Variants in TTC39B observed in about 807,000 individuals in gnomAD.
TTC39B encodes tetratricopeptide repeat domain 39B, also known as tetratricopeptide repeat protein 39B.
In TTC39B, 92 loss-of-function variants were observed where a neutral mutation model predicts 96.6. The ratio of observed to expected loss-of-function variants is 0.95; its 90% confidence interval spans 0.80 to 1.13. The LOEUF is 1.13. TTC39B is among the 50% of genes most tolerant of loss of function. The pLI is 0.00. For synonymous variants in TTC39B, 367 were observed against 299.4 expected, an observed-to-expected ratio of 1.23 and a Z score of -2.33; for missense variants, 955 against 809.3, an observed-to-expected ratio of 1.18 and a Z score of -2.18.
At chr9:15,241,875 T>C (rs1822057721) in intron 2 of TTC39B, among the ~76,000 whole-genome samples, 1 of 151,798 alleles carries the variant, frequency 6.6e-6, no homozygotes, top group Non-Finnish European at 1.5e-5. Context: ...CCTGAATAGC[T>C]GGGACTACAG....
chr9:15,282,788 A>C (rs1184385808), intron 1 of TTC39B, among the ~76,000 whole-genome samples: 3 of 152,172 alleles, frequency 2.0e-5, no homozygotes, highest in Non-Finnish European at 4.4e-5. Context: ...CAAGGTCACA[A>C]AGCATGTATA....
At chr9:15,195,873 G>A (rs867237974) in intron 8 of TTC39B, among the ~76,000 whole-genome samples, 7 of 152,062 alleles carry the variant, frequency 4.6e-5, no homozygotes, top group South Asian at 4.2e-4. Context: ...AGAAGTCAAC[G>A]CCTGGCTTCA....
In TTC39B at chr9:15,283,699, T is replaced by C. The variant is rs1823854015; in HGVS notation, c.241-15751A>G. Among the ~76,000 whole-genome samples the C allele has an allele frequency of 2.0e-5, 3 of 152,162 alleles. No homozygotes were observed. The South Asian group carries it at 6.2e-4, about 32-fold the overall frequency. On this transcript the variant is annotated intron_variant, in intron 1 of 19. Transcript: ENST00000512701. ...AACATATATACAGATCAATAGAACA[T>C]AATAAAGAATACAGACAGGGATTCC...
intron 2 of TTC39B, among the ~76,000 whole-genome samples, chr9:15,228,181 G>A (rs1399658807): frequency 6.6e-6 from 1 of 151,978 alleles, no homozygotes; most frequent in Non-Finnish European, 1.5e-5. Context: ...AAAATAATTG[G>A]GACTGGGCAC....
At chr9:15,267,940 G>C in exon 2 of TTC39B, 2 of 1,610,154 alleles carry the variant, frequency 1.2e-6, no homozygotes, top group Non-Finnish European at 1.7e-6. Context: ...AGGCATCTTC[G>C]AAAACGTCCT....
chr9:15,274,007 T>C (rs965463961), intron 1 of TTC39B, among the ~76,000 whole-genome samples: 1 of 152,278 alleles, frequency 6.6e-6, no homozygotes, highest in East Asian at 1.9e-4. Flanking sequence ...ATCAGAAGCA[T>C]TATCATAGTG....
At chr9:15,201,269 A>C (rs1420001526) in intron 7 of TTC39B, among the ~76,000 whole-genome samples, 11 of 152,126 alleles carry the variant, frequency 7.2e-5, no homozygotes, top group Non-Finnish European at 1.5e-4. Flanking sequence ...TCAAAAAAAA[A>C]AAAACAAACA....
intron 8 of TTC39B, among the ~76,000 whole-genome samples, chr9:15,196,681 C>A (rs570686285): frequency 6.6e-5 from 10 of 152,204 alleles, no homozygotes; most frequent in African/African-American, 2.4e-4. Context: ...GGTAAAGATG[C>A]CACAAACATT....
rs547530222 is a variant in TTC39B, at chr9:15,306,078, T to C, written c.240+1006A>G. 3.9e-5 allele frequency among the ~76,000 whole-genome samples: 6 copies of C among 152,314 alleles called. No homozygotes were observed. The highest frequency in any genetic ancestry group is 8.8e-5 in the Non-Finnish European group (6 of 68,012). ...CAGGAGATTCCTGGCACTAAAGAGA[T>C]GGACGGGAAACTTAACCGCCTCCTC... On this transcript the variant is annotated intron_variant, in intron 1 of 19. Coordinates refer to ENST00000512701, the Ensembl canonical transcript of TTC39B. The surrounding 1 kb of genome is among the most constrained non-coding windows in gnomAD (Gnocchi z 5.1).
chr9:15,192,428 A>G (rs942920413), intron 9 of TTC39B, among the ~76,000 whole-genome samples, 162 bp downstream of exon 9: 2 of 152,230 alleles, frequency 1.3e-5, no homozygotes, highest in East Asian at 1.9e-4. Flanking sequence ...GTGGAACTTT[A>G]TAACACACTG....
chr9:15,294,089 G>C (rs1025186732), intron 1 of TTC39B, among the ~76,000 whole-genome samples: 1 of 152,138 alleles, frequency 6.6e-6, no homozygotes, highest in African/African-American at 2.4e-5. Flanking sequence ...TTTATCATAT[G>C]TCATGCTAAG....
At chr9:15,200,661 C>T (rs575474223) in intron 7 of TTC39B, among the ~76,000 whole-genome samples, 3 of 152,320 alleles carry the variant, frequency 2.0e-5, no homozygotes, top group Admixed American at 6.5e-5. Context: ...GACAGTCCTA[C>T]GTTTTGCATA....
chr9:15,287,436 G>A (rs1824013946), intron 1 of TTC39B, among the ~76,000 whole-genome samples: 1 of 152,200 alleles, frequency 6.6e-6, no homozygotes, highest in Admixed American at 6.5e-5. Context: ...AATTGCCACA[G>A]TTGAAATGGA....
intron 1 of TTC39B, among the ~76,000 whole-genome samples, chr9:15,296,277 C>T (rs939740697): frequency 1.1e-4 from 16 of 152,142 alleles, no homozygotes; most frequent in African/African-American, 3.6e-4. Flanking sequence ...GTGAAATTAC[C>T]CAAGTGCCTC....
At chr9:15,278,149 T>C (rs1823618243) in intron 1 of TTC39B, among the ~76,000 whole-genome samples, 1 of 152,342 alleles carries the variant, frequency 6.6e-6, no homozygotes, top group African/African-American at 2.4e-5. Flanking sequence ...CATTTCATTA[T>C]AGAGTTGAGC....
intron 8 of TTC39B, among the ~76,000 whole-genome samples, chr9:15,195,267 C>G (rs1007425904): frequency 4.6e-5 from 7 of 152,152 alleles, no homozygotes. Context: ...GAACAAGACC[C>G]TAACTCTTAA....
chr9:15,180,366 T>C (rs1818184074), intron 17 of TTC39B, among the ~76,000 whole-genome samples: 1 of 152,256 alleles, frequency 6.6e-6, no homozygotes, highest in Non-Finnish European at 1.5e-5. Context: ...TGGTTACATG[T>C]TGAATTTAGT....
chr9:15,192,575 C>G lies in TTC39B; in HGVS notation c.930+15G>C. The G allele has an allele frequency of 6.3e-7, 1 of 1,599,946 alleles. No homozygotes were observed. Among genetic ancestry groups the G allele is most frequent in the Non-Finnish European group, 8.6e-7 (1 of 1,167,746 alleles). ...TTCTACAAAAGTTCTGGTTTCTATA[C>G]AGTGATTTCCTTACCAAATTAAAGG... On this transcript the variant is annotated intron_variant, in intron 9 of 19. Transcript: ENST00000512701.
chr9:15,204,577 A>T (rs1819739254), intron 6 of TTC39B, among the ~76,000 whole-genome samples: 1 of 152,200 alleles, frequency 6.6e-6, no homozygotes, highest in Non-Finnish European at 1.5e-5. Flanking sequence ...AAAGTTGAAA[A>T]AAACTAAATT....
Sources: gnomAD v4.1 joint callset for allele counts (sites outside exome capture counted in the v4.1 genomes callset) on GRCh38, gnomAD v4.1.1 for gene constraint, Gnocchi (gnomAD v3.1) non-coding constraint, MANE v1.5 for transcripts, NCBI Gene and HGNC (gene_info 2026-07-23, HGNC 2026-07-21) for gene names.